The following TMEM63A variants were observed in gnomAD, a reference collection of about 807,000 sequenced individuals.
The protein encoded by TMEM63A is transmembrane protein 63A.
Under a neutral mutation model 100.6 loss-of-function variants are expected in TMEM63A, and 76 were observed. That is an observed-to-expected ratio of 0.76 (90% CI 0.63 to 0.91). The LOEUF is 0.91. TMEM63A is among the 40% of genes least tolerant of loss of function. The pLI is 0.00. For missense variants in TMEM63A, 876 were observed against 1,008.8 expected (o/e 0.87, Z 1.78); for synonymous variants, 401 against 401.1 (o/e 1.00, Z 0.00).
At chr1:225,848,400 T>C in intron 23 of TMEM63A, 92 bp downstream of exon 23, 1 of 1,345,084 alleles carries the variant, frequency 7.4e-7, no homozygotes, top group Non-Finnish European at 1.0e-6. Flanking sequence ...CAAGAGATGA[T>C]CAAAGATTTG....
At position 225,865,996 on chromosome 1, in the gene TMEM63A, G is replaced by A. The variant is rs747133719; in HGVS notation, c.676-29C>T. The A allele has an allele frequency of 7.5e-6, 12 of 1,610,550 alleles. No individual in the cohort carries two copies. Among genetic ancestry groups the A allele is most frequent in the Non-Finnish European group, 1.0e-5 (12 of 1,178,122 alleles). On this transcript the variant is annotated intron_variant, in intron 9 of 24. Coordinates refer to ENST00000366835, the MANE Select transcript of TMEM63A (RefSeq NM_014698.3). This position sits in a 1 kb window ranked among gnomAD's most constrained non-coding sequence, Gnocchi z 4.6. Reference sequence around the variant, plus strand: ...TCCGGGAAATACAGCAGGGAGAGAAGTCACCCACAAGCCAGTGTGCCGGTA... The same window carrying A: ...TCCGGGAAATACAGCAGGGAGAGAAATCACCCACAAGCCAGTGTGCCGGTA...
chr1:225,873,061 C>T lies in TMEM63A; in HGVS notation c.267-1008G>A, dbSNP rs539536962. Reference sequence around the variant, plus strand: ...CCCCTACTAAAGACAAAACACATGACGAAACTTAACTTTAAAAGCCTTTGC... The same window carrying T: ...CCCCTACTAAAGACAAAACACATGATGAAACTTAACTTTAAAAGCCTTTGC... On this transcript the variant is annotated intron_variant, in intron 4 of 24. Coordinates refer to ENST00000366835, the MANE Select transcript of TMEM63A (RefSeq NM_014698.3). Among the ~76,000 whole-genome samples the T allele has an allele frequency of 2.9e-4, 44 of 152,252 alleles. No individual in the cohort carries two copies. The South Asian group carries it at 6.2e-3, about 22-fold the overall frequency.
chr1:225,878,250 T>C (rs1273086148), intron 2 of TMEM63A, among the ~76,000 whole-genome samples: 1 of 152,240 alleles, frequency 6.6e-6, no homozygotes, highest in East Asian at 1.9e-4. Context: ...AGGGCAGAAT[T>C]GAATCCCAAA....
intron 5 of TMEM63A, 35 bp downstream of exon 5, chr1:225,871,952 C>A (rs372818957): frequency 8.4e-6 from 13 of 1,550,656 alleles, no homozygotes; most frequent in Non-Finnish European, 1.2e-5. Context: ...TCCCCACCCC[C>A]TGGCCATGAC....
At chr1:225,866,943 G>C (rs1670244806) in intron 8 of TMEM63A, among the ~76,000 whole-genome samples, 169 bp downstream of exon 8, 1 of 152,178 alleles carries the variant, frequency 6.6e-6, no homozygotes, top group Admixed American at 6.5e-5. Context: ...GCAAAACAGT[G>C]TCTGCCTGTG....
At chr1:225,849,200 C>T (rs1416003422) in intron 21 of TMEM63A, among the ~76,000 whole-genome samples, 188 bp from the exon 22 acceptor site, 1 of 141,592 alleles carries the variant, frequency 7.1e-6, no homozygotes, top group Non-Finnish European at 1.5e-5. Context: ...GGTGTCTTCA[C>T]AGCCAGGAAC....
intron 23 of TMEM63A, 93 bp from the exon 24 acceptor site, chr1:225,847,306 C>G: frequency 1.0e-5 from 15 of 1,472,186 alleles, no homozygotes; most frequent in Non-Finnish European, 1.4e-5. Flanking sequence ...AGGACACAGA[C>G]AGTGGCCATA....
intron 2 of TMEM63A, among the ~76,000 whole-genome samples, chr1:225,878,885 T>TACCTACCTACACACAC (rs1491107467): frequency 1.4e-5 from 2 of 139,520 alleles, no homozygotes; most frequent in African/African-American, 5.5e-5. Flanking sequence ...CCTACCTACC[T>TACCTACCTACACACAC]ACACACACAC....
At chr1:225,873,659 C>G (rs1670632555) in intron 4 of TMEM63A, among the ~76,000 whole-genome samples, 1 of 152,198 alleles carries the variant, frequency 6.6e-6, no homozygotes. Context: ...CCACGCAGAA[C>G]TGGAAGGACC....
At chr1:225,843,689 CTG>C (rs369120691), downstream of TMEM63A, among the ~76,000 whole-genome samples, 565 of 152,286 alleles carry the variant, frequency 3.7e-3, 4 homozygotes, top group African/African-American at 0.013. Flanking sequence ...AGGATCAGAT[CTG>C]TGTTCTAGAA....
chr1:225,870,065 C>T (rs966713246), intron 6 of TMEM63A, among the ~76,000 whole-genome samples: 1 of 151,974 alleles, frequency 6.6e-6, no homozygotes, highest in Non-Finnish European at 1.5e-5. Context: ...TAACATGCAC[C>T]TGGGCCGGGC....
rs2292559 is a variant in TMEM63A, at chr1:225,847,073, C to T, written c.2391G>A (p.Thr797=). The change falls in exon 24 of 25, where the codon ACG becomes ACA. Residue 797 remains threonine (T), a synonymous_variant. Transcript: ENST00000366835. ...CCTGGGGGGCAGCAGCCACACTGCC[C>T]GTGGCGCTCTGCGCCAAGCACTGTC... ...IPGQCLAQSA[T]GSVAAAPQEA is the part of the protein sequence containing the mutation. 0.046 allele frequency: 74,025 copies of T among 1,613,308 alleles called. 2,291 individuals carry two copies. Among genetic ancestry groups the T allele is most frequent in the East Asian group, 0.15 (6,866 of 44,874 alleles).
At position 225,853,559 on chromosome 1, in the gene TMEM63A, G is replaced by A. The variant is rs1473349715; in HGVS notation, c.1797+70C>T. On this transcript the variant is annotated intron_variant, in intron 19 of 24. Transcript: ENST00000366835. This position sits in a 1 kb window ranked among gnomAD's most constrained non-coding sequence, Gnocchi z 4.0. ...ACTAGTGGGGGTAGTGGGGGTGAGA[G>A]GCCCTCGGGTCAGTGAAGGGGGACA... is the stretch of plus-strand genomic sequence containing the variant. The A allele has an allele frequency of 7.1e-7, 1 of 1,417,708 alleles. No individual in the cohort carries two copies. The highest frequency in any genetic ancestry group is 1.4e-5 in the African/African-American group (1 of 68,984). 87.8% of individuals were successfully genotyped at this position (1,417,708 alleles called of 1,614,324 possible). A position where few individuals can be genotyped will look rare whatever the true frequency, so the allele number is the denominator to read the frequency against.
At chr1:225,873,243 A>C (rs1022942712) in intron 4 of TMEM63A, among the ~76,000 whole-genome samples, 4 of 152,152 alleles carry the variant, frequency 2.6e-5, no homozygotes, top group Non-Finnish European at 4.4e-5. Flanking sequence ...ACCAGAGTAC[A>C]TGGCCCCACT....
chr1:225,860,909 T>C lies in TMEM63A; in HGVS notation c.1174A>G (p.Thr392Ala), dbSNP rs749973022. 2 of 1,612,402 alleles carry C rather than the reference T, an allele frequency of 1.2e-6. No individual in the cohort carries two copies. Among genetic ancestry groups the C allele is most frequent in the African/African-American group, 2.7e-5 (2 of 74,910 alleles). Reference sequence around the variant, plus strand: ...GCAAAGGTGACTGTCCACTTGGAGGTATAGAGCTCCCTGCTATGGGAGGAC... The same window carrying C: ...GCAAAGGTGACTGTCCACTTGGAGGCATAGAGCTCCCTGCTATGGGAGGAC... ...QPSSHSRELY[T>A]SKWTVTFAAD... The change falls in exon 14 of 25, where the codon ACC becomes GCC. Residue 392 changes from threonine (T) to alanine (A), a missense_variant. This residue lies in a region of TMEM63A where 487 missense variants were observed against 581.9 expected (regional missense o/e 0.84). Transcript: ENST00000366835.
downstream of TMEM63A, among the ~76,000 whole-genome samples, chr1:225,842,820 G>A (rs1336878632): frequency 6.6e-6 from 1 of 152,220 alleles, no homozygotes; most frequent in African/African-American, 2.4e-5. Flanking sequence ...ATTCCCTGGA[G>A]AGCCTGGCAT....
downstream of TMEM63A, chr1:225,844,691 T>A: frequency 6.2e-7 from 1 of 1,600,948 alleles, no homozygotes; most frequent in Non-Finnish European, 8.5e-7. Flanking sequence ...AGTCTTGGGC[T>A]CCACGAAGGG....
intron 21 of TMEM63A, 37 bp downstream of exon 21, chr1:225,849,875 G>C: frequency 6.2e-7 from 1 of 1,605,198 alleles, no homozygotes; most frequent in Non-Finnish European, 8.5e-7. Context: ...AGGGCTGGGA[G>C]GCCAAGGGCT....
intron 8 of TMEM63A, 125 bp downstream of exon 8, chr1:225,866,987 G>A (rs542751566): frequency 1.0e-6 from 1 of 965,546 alleles, no homozygotes; most frequent in African/African-American, 1.6e-5. Context: ...CAACTCACTA[G>A]CTGCAAGGGG....
Sources: allele counts gnomAD v4.1 joint callset (sites outside exome capture counted in the v4.1 genomes callset), GRCh38; gene constraint gnomAD v4.1.1; regional missense constraint gnomAD v4.1.1; non-coding constraint Gnocchi (gnomAD v3.1); transcripts MANE v1.5; gene names NCBI Gene and HGNC (gene_info 2026-07-23, HGNC 2026-07-21).